The following CTNND2 variants were observed in gnomAD, a reference collection of about 807,000 sequenced individuals.
The protein encoded by CTNND2 is catenin delta 2, also known as catenin delta-2.
A neutral mutation model predicts 144.4 loss-of-function variants in CTNND2; 22 were observed. The ratio of observed to expected loss-of-function variants is 0.15; its 90% CI spans 0.11 to 0.22. The LOEUF is 0.22. Ranked by LOEUF, CTNND2 falls within the 10% of genes least tolerant of loss-of-function variation. The pLI is 1.00. For synonymous variants in CTNND2, 751 were observed against 695.6 expected (o/e 1.08, Z -1.25); for missense variants, 1,353 against 1,618.8 (o/e 0.84, Z 2.82).
chr5:11,765,949 T>C (rs991284625), intron 1 of CTNND2, among the ~76,000 whole-genome samples: 4 of 152,192 alleles, frequency 2.6e-5, no homozygotes, highest in African/African-American at 9.6e-5. Flanking sequence ...CTAGAGTCAG[T>C]ATAGAGATAG....
intron 11 of CTNND2, among the ~76,000 whole-genome samples, chr5:11,161,145 T>C (rs964292967): frequency 2.0e-5 from 3 of 152,230 alleles, no homozygotes; most frequent in Admixed American, 6.5e-5. Flanking sequence ...TAAAGTTTTA[T>C]TGAAGCACAG....
intron 2 of CTNND2, among the ~76,000 whole-genome samples, chr5:11,594,227 T>C (rs1380776597): frequency 6.6e-6 from 1 of 152,194 alleles, no homozygotes; most frequent in East Asian, 1.9e-4. Context: ...ATAAATCATG[T>C]ATAACCAGGC....
intron 3 of CTNND2, among the ~76,000 whole-genome samples, chr5:11,519,848 T>C (rs1772552647): frequency 6.6e-6 from 1 of 151,622 alleles, no homozygotes; most frequent in Non-Finnish European, 1.5e-5. Flanking sequence ...GTTGAAAATA[T>C]CTCTATCTGG....
At chr5:11,045,301 C>T (rs1745117187) in intron 16 of CTNND2, among the ~76,000 whole-genome samples, 1 of 152,118 alleles carries the variant, frequency 6.6e-6, no homozygotes, top group African/African-American at 2.4e-5. Context: ...AGAAAGCTTC[C>T]ACCCACAGCA....
Position 11,253,536 on chromosome 5 carries a change from A to G in CTNND2, c.1629-16713T>C, listed in dbSNP as rs574088453. ...TCTCTTGCCTGCTGCCATGTAAGAC[A>G]TGCCTTTCACCTTCCACCATGATTG... On this transcript the variant is annotated intron_variant, in intron 9 of 21. Coordinates refer to ENST00000304623, the MANE Select transcript of CTNND2 (RefSeq NM_001332.4). Among the ~76,000 whole-genome samples the G allele has an allele frequency of 1.1e-3, 163 of 152,254 alleles. 1 individual carries two copies. Among genetic ancestry groups the G allele is most frequent in the Middle Eastern group, 3.4e-3 (1 of 294 alleles).
intron 1 of CTNND2, among the ~76,000 whole-genome samples, chr5:11,901,001 C>T (rs984784688): frequency 6.6e-6 from 1 of 152,114 alleles, no homozygotes; most frequent in Non-Finnish European, 1.5e-5. Flanking sequence ...TGGGTGTTCC[C>T]ATTTTCTGTG....
chr5:11,886,328 T>C (rs76630795), intron 1 of CTNND2, among the ~76,000 whole-genome samples: 8 of 152,152 alleles, frequency 5.3e-5, no homozygotes, highest in African/African-American at 1.9e-4. Context: ...GGTTATTTAA[T>C]AACCAAATAA....
intron 12 of CTNND2, among the ~76,000 whole-genome samples, chr5:11,124,219 C>A (rs112648320): frequency 6.6e-6 from 1 of 152,092 alleles, no homozygotes; most frequent in East Asian, 1.9e-4. Flanking sequence ...ACTGAACAGA[C>A]CTAATAGCTA....
chr5:11,650,526 G>A (rs983967769), intron 2 of CTNND2, among the ~76,000 whole-genome samples: 2 of 152,204 alleles, frequency 1.3e-5, no homozygotes, highest in Admixed American at 1.3e-4. Flanking sequence ...CTAGTTTGAA[G>A]GGGTCAGAAG....
At chr5:11,101,887 ATGTG>A (rs201704440) in intron 14 of CTNND2, among the ~76,000 whole-genome samples, 1,560 of 145,272 alleles carry the variant, frequency 0.011, 9 homozygotes, top group Middle Eastern at 0.034. Context: ...ACGACCACAT[ATGTG>A]TGTGTGTGTG....
At chr5:10,991,019 G>C (rs1332518395) in intron 19 of CTNND2, among the ~76,000 whole-genome samples, 2 of 152,174 alleles carry the variant, frequency 1.3e-5, no homozygotes, top group Non-Finnish European at 2.9e-5. Flanking sequence ...AAGCCTGCTG[G>C]AATTACAGAA....
intron 6 of CTNND2, among the ~76,000 whole-genome samples, chr5:11,392,826 T>C (rs1759752672): frequency 6.6e-6 from 1 of 152,228 alleles, no homozygotes; most frequent in African/African-American, 2.4e-5. Context: ...ATTTTTGTGT[T>C]TTCCAAATTT....
chr5:11,777,721 A>G (rs529586337), intron 1 of CTNND2, among the ~76,000 whole-genome samples: 6 of 152,134 alleles, frequency 3.9e-5, no homozygotes, highest in Non-Finnish European at 8.8e-5. Flanking sequence ...TCTATATCCA[A>G]CATCTTAGTT....
chr5:11,199,938 C>T (rs1484558238), intron 10 of CTNND2, among the ~76,000 whole-genome samples: 1 of 152,192 alleles, frequency 6.6e-6, no homozygotes, highest in Non-Finnish European at 1.5e-5. Flanking sequence ...TTAGACATTT[C>T]TCTCCATAAA....
chr5:11,367,701 T>C (rs1757109354), intron 7 of CTNND2, among the ~76,000 whole-genome samples: 1 of 152,216 alleles, frequency 6.6e-6, no homozygotes, highest in South Asian at 2.1e-4. Context: ...CAAGGCCAAA[T>C]GTTCTTGCCA....
At chr5:11,336,118 C>G (rs1223415689) in intron 9 of CTNND2, among the ~76,000 whole-genome samples, 1 of 152,190 alleles carries the variant, frequency 6.6e-6, no homozygotes, top group Non-Finnish European at 1.5e-5. Flanking sequence ...AATTCTGGAA[C>G]TGGGCTCTTG....
intron 9 of CTNND2, among the ~76,000 whole-genome samples, chr5:11,277,760 G>A (rs1472402502): frequency 6.6e-6 from 1 of 151,878 alleles, no homozygotes; most frequent in Non-Finnish European, 1.5e-5. Context: ...TCAAACTGCC[G>A]ACCTCAAGTC....
intron 1 of CTNND2, among the ~76,000 whole-genome samples, chr5:11,795,925 G>A (rs1241563249): frequency 6.6e-6 from 1 of 152,178 alleles, no homozygotes; most frequent in African/African-American, 2.4e-5. Flanking sequence ...CCATTAGCAG[G>A]TCTGTATTCT....
At chr5:11,250,491 C>CTCTCTCTCTCTCTCTCTCTATA (rs869141186) in intron 9 of CTNND2, among the ~76,000 whole-genome samples, 1 of 64,120 alleles carries the variant, frequency 1.6e-5, no homozygotes, top group Non-Finnish European at 2.5e-5. Context: ...CTCTCTCTCT[C>CTCTCTCTCTCTCTCTCTCTATA]TATATATATA....
Sources: allele counts gnomAD v4.1 joint callset (sites outside exome capture counted in the v4.1 genomes callset), GRCh38; gene constraint gnomAD v4.1.1; transcripts MANE v1.5; gene names NCBI Gene and HGNC (gene_info 2026-07-23, HGNC 2026-07-21).